Variants in SUMF1 observed in about 807,000 individuals in gnomAD.
The protein encoded by SUMF1 is sulfatase modifying factor 1.
SUMF1 carries 48 observed loss-of-function variants against 47.6 expected under a neutral mutation model. That is an observed-to-expected ratio of 1.01 (90% CI 0.80 to 1.28). SUMF1 has a LOEUF of 1.28. SUMF1 is among the 50% of genes most tolerant of loss of function. The pLI is 0.00. For synonymous variants in SUMF1, 230 were observed against 192.1 expected (o/e 1.20, Z -1.63); for missense variants, 571 against 485.4 (o/e 1.18, Z -1.66).
In SUMF1 at chr3:4,384,855, T is replaced by C. The variant is rs1352032262; in HGVS notation, c.955-8466A>G. ...ATCAATGCCAAAGGAGGGAATATAG[T>C]GGTCGAATGTTTACTTCATTTTCTT... On this transcript the variant is annotated intron_variant, in intron 7 of 8. Transcript: ENST00000272902. 3.9e-5 allele frequency among the ~76,000 whole-genome samples: 6 copies of C among 152,056 alleles called. No individual in the cohort carries two copies. In the East Asian group the frequency reaches 7.7e-4, roughly 20 times the overall value.
At chr3:4,154,775 C>T (rs1405963675) in intron 8 of SUMF1, among the ~76,000 whole-genome samples, 1 of 151,528 alleles carries the variant, frequency 6.6e-6, no homozygotes, top group Non-Finnish European at 1.5e-5. Flanking sequence ...CTAAGAACTG[C>T]ATTGTAGGAG....
intron 8 of SUMF1, among the ~76,000 whole-genome samples, chr3:4,133,756 T>C (rs753969041): frequency 7.9e-5 from 12 of 152,086 alleles, no homozygotes; most frequent in African/African-American, 2.9e-4. Flanking sequence ...AGATGGCCTA[T>C]TGTAGGACCT....
intron 8 of SUMF1, among the ~76,000 whole-genome samples, chr3:4,190,860 G>A (rs954864106): frequency 4.6e-5 from 7 of 152,110 alleles, no homozygotes; most frequent in African/African-American, 1.7e-4. Context: ...ACTACATATT[G>A]AGGGTCTACT....
intron 8 of SUMF1, among the ~76,000 whole-genome samples, chr3:4,162,310 C>T (rs912506867): frequency 1.3e-5 from 2 of 152,136 alleles, no homozygotes; most frequent in Non-Finnish European, 2.9e-5. Context: ...CTTGGCTGCC[C>T]TGTCTGGTGT....
intron 8 of SUMF1, among the ~76,000 whole-genome samples, chr3:4,326,522 G>A (rs111499989): frequency 7.8e-6 from 1 of 128,698 alleles, no homozygotes; most frequent in African/African-American, 3.4e-5. Flanking sequence ...TTTTCCAAGG[G>A]TTTTTTTTTT....
chr3:4,142,900 AT>A (rs1694103735), intron 8 of SUMF1, among the ~76,000 whole-genome samples: 1 of 152,066 alleles, frequency 6.6e-6, no homozygotes, highest in Admixed American at 6.6e-5. Context: ...AGGATCCACA[AT>A]CCCAAAAAAG....
chr3:4,374,497 C>T (rs150783835), intron 8 of SUMF1, among the ~76,000 whole-genome samples: 227 of 152,256 alleles, frequency 1.5e-3, no homozygotes, highest in African/African-American at 4.8e-3. Context: ...TACATTCATA[C>T]GCATGGAATT....
chr3:4,313,806 A>G, intron 8 of SUMF1: 1 of 1,608,526 alleles, frequency 6.2e-7, no homozygotes, highest in Non-Finnish European at 8.5e-7. Context: ...CCTATAGTGG[A>G]AGACAGTGGT....
chr3:4,421,755 G>T (rs1214289140), intron 3 of SUMF1, among the ~76,000 whole-genome samples: 2 of 152,158 alleles, frequency 1.3e-5, no homozygotes, highest in Non-Finnish European at 2.9e-5. Context: ...AAGGTGCTGG[G>T]ATTACAGGTG....
intron 8 of SUMF1, among the ~76,000 whole-genome samples, 200 bp from the exon 9 acceptor site, chr3:4,362,454 T>C (rs1293395673): frequency 6.6e-6 from 1 of 152,136 alleles, no homozygotes; most frequent in Non-Finnish European, 1.5e-5. Flanking sequence ...ACCTTATAAA[T>C]GTAACACGGA....
intron 3 of SUMF1, among the ~76,000 whole-genome samples, chr3:4,445,731 G>C (rs745557251): frequency 6.6e-6 from 1 of 152,118 alleles, no homozygotes; most frequent in Non-Finnish European, 1.5e-5. Flanking sequence ...AAATTGTACA[G>C]AACTAAATAT....
chr3:4,385,349 T>C (rs985112231), intron 7 of SUMF1, among the ~76,000 whole-genome samples: 1 of 152,216 alleles, frequency 6.6e-6, no homozygotes, highest in African/African-American at 2.4e-5. Flanking sequence ...TATCTCCTTA[T>C]GGTTTTAATT....
At chr3:4,388,439 A>G (rs1700742749) in intron 7 of SUMF1, among the ~76,000 whole-genome samples, 1 of 152,006 alleles carries the variant, frequency 6.6e-6, no homozygotes, top group Admixed American at 6.6e-5. Context: ...TTTGTTGTCA[A>G]CTTGCTTATA....
chr3:4,124,451 T>C (rs1361270921), intron 8 of SUMF1, among the ~76,000 whole-genome samples: 1 of 152,152 alleles, frequency 6.6e-6, no homozygotes, highest in Non-Finnish European at 1.5e-5. Context: ...CCTTTGCAAA[T>C]GTAAAATTTT....
At chr3:4,411,002 G>T in intron 6 of SUMF1, 24 bp from the exon 7 acceptor site, 1 of 1,575,064 alleles carries the variant, frequency 6.3e-7, no homozygotes, top group Non-Finnish European at 8.7e-7. Context: ...CAGGAAAAAT[G>T]CTGTCAAACT....
chr3:4,241,814 C>T (rs946087093), intron 8 of SUMF1, among the ~76,000 whole-genome samples: 3 of 152,088 alleles, frequency 2.0e-5, no homozygotes, highest in Non-Finnish European at 4.4e-5. Context: ...TTCCGGCCCA[C>T]AGTGGAGTTC....
chr3:4,359,916 A>G (rs1033354652), downstream of SUMF1, among the ~76,000 whole-genome samples: 5 of 152,174 alleles, frequency 3.3e-5, no homozygotes, highest in Non-Finnish European at 5.9e-5. Context: ...TGCTGGGATT[A>G]TAGGTATGAG....
intron 8 of SUMF1, among the ~76,000 whole-genome samples, chr3:4,193,515 G>A (rs1271892857): frequency 1.3e-5 from 2 of 152,058 alleles, no homozygotes; most frequent in African/African-American, 4.8e-5. Flanking sequence ...GGGAGACTGT[G>A]CCCTTAACTT....
At chr3:4,260,112 T>A (rs1697053125) in intron 8 of SUMF1, among the ~76,000 whole-genome samples, 1 of 152,124 alleles carries the variant, frequency 6.6e-6, no homozygotes, top group Non-Finnish European at 1.5e-5. Context: ...ACTCAGGAAC[T>A]TCTAATACTT....
Sources: allele counts gnomAD v4.1 joint callset (sites outside exome capture counted in the v4.1 genomes callset), GRCh38; gene constraint gnomAD v4.1.1; transcripts MANE v1.5; gene names NCBI Gene and HGNC (gene_info 2026-07-23, HGNC 2026-07-21).